Variants in C8orf89 observed in about 807,000 individuals in gnomAD.
C8orf89 encodes the protein putative uncharacterized protein C8orf89.
C8orf89 carries 14 observed loss-of-function variants against 15.8 expected under a neutral mutation model. The ratio of observed to expected loss-of-function variants is 0.89; its 90% CI spans 0.59 to 1.39. The LOEUF (loss-of-function observed/expected upper bound fraction) is 1.39. Among genes scored for constraint, C8orf89 ranks in the 40% most tolerant of loss-of-function variants. The probability of loss-of-function intolerance (pLI) is 0.00; values close to 1 mark genes in which losing one functional copy is unlikely to be tolerated. For missense variants in C8orf89, 181 were observed against 184.5 expected, an observed-to-expected ratio of 0.98 and a Z score of 0.11; for synonymous variants, 55 against 62.2, an observed-to-expected ratio of 0.88 and a Z score of 0.54.
the C8orf89 span, chr8:73,278,171 T>C: frequency 4.4e-6 from 1 of 226,202 alleles, no homozygotes; most frequent in Admixed American, 5.1e-5. Flanking sequence ...AAAAGTGCCA[T>C]AATACGATGT....
the C8orf89 span, among the ~76,000 whole-genome samples, chr8:73,276,224 T>C: frequency 6.8e-6 from 1 of 148,020 alleles, no homozygotes; most frequent in East Asian, 2.0e-4. Context: ...TCACCCAGGC[T>C]GGGGTGCAGT....
upstream of C8orf89, among the ~76,000 whole-genome samples, chr8:73,260,516 C>A (rs1813505769): frequency 6.6e-6 from 1 of 151,896 alleles, no homozygotes. Context: ...GCACATGTAC[C>A]CTAGAACTTA....
the C8orf89 span, among the ~76,000 whole-genome samples, chr8:73,272,322 C>A: frequency 6.6e-6 from 1 of 152,106 alleles, no homozygotes; most frequent in African/African-American, 2.4e-5. Context: ...TGTGAAAGGA[C>A]CTAATCAGGG....
At chr8:73,261,658 G>A (rs1813531745), upstream of C8orf89, among the ~76,000 whole-genome samples, 1 of 152,216 alleles carries the variant, frequency 6.6e-6, no homozygotes, top group South Asian at 2.1e-4. Flanking sequence ...TCTTGGACAT[G>A]CTTTTTACAC....
At chr8:73,246,662 C>A (rs987343267) in intron 3 of C8orf89, among the ~76,000 whole-genome samples, 1 of 152,118 alleles carries the variant, frequency 6.6e-6, no homozygotes, top group Non-Finnish European at 1.5e-5. Flanking sequence ...CAGGCGTGAG[C>A]CACCGCACCC....
chr8:73,256,962 C>T lies in C8orf89; in HGVS notation c.281+11G>A. On this transcript the variant is annotated intron_variant, in intron 2 of 3. Coordinates refer to ENST00000624510, the MANE Select transcript of C8orf89 (RefSeq NM_001243237.3). ...CATTCAACAAATGAGAATTAAATAG[C>T]AATGATCTACCTGACTGCAGACACC... is the stretch of plus-strand genomic sequence containing the variant. 5.9e-6 allele frequency: 9 copies of T among 1,524,916 alleles called. No individual in the cohort carries two copies. The highest frequency in any genetic ancestry group is 7.9e-6 in the Non-Finnish European group (9 of 1,141,698). 94.5% of individuals were successfully genotyped at this position (1,524,916 alleles called of 1,614,324 possible). A position where few individuals can be genotyped will look rare whatever the true frequency, so the allele number is the denominator to read the frequency against.
At position 73,255,876 on chromosome 8, in the gene C8orf89, G is replaced by A. The variant is rs1170564391; in HGVS notation, c.281+1097C>T. ...TCGCAAGGACAAAAAACCAAACACC[G>A]CATATTCTCACTCATAGGTGGGAAT... is the stretch of plus-strand genomic sequence containing the variant. On this transcript the variant is annotated intron_variant, in intron 2 of 3. Transcript: ENST00000624510. Among the ~76,000 whole-genome samples the A allele has an allele frequency of 1.3e-3, 197 of 149,928 alleles. 1 individual carries two copies. The highest frequency in any genetic ancestry group is 4.6e-3 in the African/African-American group (188 of 40,788).
the C8orf89 span, among the ~76,000 whole-genome samples, chr8:73,274,224 G>A: frequency 6.6e-6 from 1 of 152,042 alleles, no homozygotes; most frequent in Non-Finnish European, 1.5e-5. Context: ...CGCGATCTCA[G>A]CTCACTGTAA....
chr8:73,241,347 T>TTTC lies in C8orf89; in HGVS notation c.*109_*110insGAA, dbSNP rs35071098. On this transcript the variant is annotated 3_prime_UTR_variant, in exon 4 of 4. Transcript: ENST00000624510. ...ACTCATCTATAATGTAAAATATTTA[T>TTTC]TTATTTACATTTCCATTTTTATATA... is the stretch of plus-strand genomic sequence containing the variant. The TTTC allele has an allele frequency of 0.2, 166,702 of 845,568 alleles. 18,336 individuals are homozygous for TTTC. Among genetic ancestry groups the TTTC allele is most frequent in the African/African-American group, 0.4 (23,075 of 58,306 alleles). 52.4% of individuals were successfully genotyped at this position (845,568 alleles called of 1,614,324 possible). A position where few individuals can be genotyped will look rare whatever the true frequency, so the allele number is the denominator to read the frequency against.
chr8:73,280,972 T>C, the C8orf89 span, among the ~76,000 whole-genome samples: 2 of 152,138 alleles, frequency 1.3e-5, no homozygotes, highest in African/African-American at 4.8e-5. Context: ...TTTTCTTTAC[T>C]ATTAATAGAG....
chr8:73,270,761 A>G, the C8orf89 span, among the ~76,000 whole-genome samples: 9 of 152,272 alleles, frequency 5.9e-5, no homozygotes, highest in South Asian at 1.2e-3. Flanking sequence ...ATAAACAAAT[A>G]AATTAATAAA....
chr8:73,281,043 C>T, the C8orf89 span, among the ~76,000 whole-genome samples: 6 of 151,822 alleles, frequency 4.0e-5, no homozygotes, highest in African/African-American at 7.3e-5. Context: ...ATATTTCCAG[C>T]GAATAATCTA....
At chr8:73,258,545 T>G (rs183285831) in intron 1 of C8orf89, among the ~76,000 whole-genome samples, 11 of 152,036 alleles carry the variant, frequency 7.2e-5, no homozygotes, top group Non-Finnish European at 1.3e-4. Context: ...ATGTCAAAAG[T>G]TATCAAACTA....
At chr8:73,267,387 A>C in the C8orf89 span, among the ~76,000 whole-genome samples, 3 of 152,348 alleles carry the variant, frequency 2.0e-5, no homozygotes, top group Non-Finnish European at 2.9e-5. Flanking sequence ...TGAAACCAGA[A>C]ACTGAAAATG....
At chr8:73,260,040 T>C (rs1813494259), upstream of C8orf89, among the ~76,000 whole-genome samples, 1 of 152,194 alleles carries the variant, frequency 6.6e-6, no homozygotes, top group Admixed American at 6.5e-5. Flanking sequence ...GCTGGGCATT[T>C]TGCATCCATT....
At chr8:73,254,179 T>C (rs1196229879) in intron 2 of C8orf89, among the ~76,000 whole-genome samples, 3 of 152,196 alleles carry the variant, frequency 2.0e-5, no homozygotes, top group Non-Finnish European at 4.4e-5. Context: ...TTTCTGCATC[T>C]ATTGAGATAA....
intron 1 of C8orf89, among the ~76,000 whole-genome samples, chr8:73,258,245 A>C (rs1298262089): frequency 6.6e-6 from 1 of 152,084 alleles, no homozygotes; most frequent in African/African-American, 2.4e-5. Flanking sequence ...TCCCATCTCT[A>C]CTAAAAATAA....
rs1813011093 is a variant in C8orf89 at position 73,241,722 on chromosome 8, A to C, written c.338-117T>G. On this transcript the variant is annotated intron_variant, in intron 3 of 3. Transcript: ENST00000624510. ...CCACAAATGACTATTACACACTACT[A>C]GTTCTTATACTACAGAGCTATACTA... The C allele has an allele frequency of 8.4e-6, 7 of 832,584 alleles. No homozygotes were observed. The South Asian group carries it at 2.1e-4, about 25-fold the overall frequency. 51.6% of individuals were successfully genotyped at this position (832,584 alleles called of 1,614,324 possible). A position where few individuals can be genotyped will look rare whatever the true frequency, so the allele number is the denominator to read the frequency against.
the C8orf89 span, among the ~76,000 whole-genome samples, chr8:73,279,401 A>C: frequency 1.3e-5 from 2 of 152,156 alleles, no homozygotes; most frequent in African/African-American, 4.8e-5. Context: ...TAGTAATATG[A>C]ATTCAGACCC....
Sources: gnomAD v4.1 joint callset for allele counts (sites outside exome capture counted in the v4.1 genomes callset) on GRCh38, gnomAD v4.1.1 for gene constraint, MANE v1.5 for transcripts, NCBI Gene and HGNC (gene_info 2026-07-23, HGNC 2026-07-21) for gene names.